PAM: variants seen among roughly 807,000 people sequenced by gnomAD.
PAM encodes the protein peptidyl-glycine alpha-amidating monooxygenase.
A neutral mutation model predicts 122.1 loss-of-function variants in PAM; 72 were observed. That is an observed-to-expected ratio of 0.59 (90% CI 0.49 to 0.72). PAM has a LOEUF of 0.72. Ranked by LOEUF, PAM falls within the 30% of genes least tolerant of loss-of-function variation. The pLI, the probability that PAM is intolerant of heterozygous loss-of-function variation, is 0.00. For synonymous variants in PAM, 389 were observed against 404.4 expected, an observed-to-expected ratio of 0.96 and a Z score of 0.46; for missense variants, 1,106 against 1,183.7, an observed-to-expected ratio of 0.93 and a Z score of 0.96.
intron 14 of PAM, among the ~76,000 whole-genome samples, chr5:102,967,320 T>C (rs1764394617): frequency 6.6e-6 from 1 of 152,172 alleles, no homozygotes; most frequent in Non-Finnish European, 1.5e-5. Context: ...ACTCACACAA[T>C]TGAATTCCTT....
chr5:102,973,487 A>G (rs1031903173), intron 14 of PAM, among the ~76,000 whole-genome samples: 32 of 152,174 alleles, frequency 2.1e-4, no homozygotes, highest in Non-Finnish European at 7.4e-5. Flanking sequence ...CTTTGTTTGA[A>G]GCTGATTTAA....
In PAM at chr5:103,029,652, A is replaced by C. The variant is rs1364016792; in HGVS notation, c.*587A>C. The C allele has an allele frequency of 6.6e-6, 1 of 152,578 alleles. No individual in the cohort carries two copies. Among genetic ancestry groups the C allele is most frequent in the Non-Finnish European group, 1.5e-5 (1 of 68,026 alleles). 9.5% of individuals were successfully genotyped at this position (152,578 alleles called of 1,614,324 possible). ...GGATGTCTTATTTTTAGATGGTTAC[A>C]CTGTTAGAACACTATTTTCAGAATC... On this transcript the variant is annotated 3_prime_UTR_variant, in exon 26 of 26. Transcript: ENST00000438793.
chr5:102,904,330 G>C (rs551394942), intron 4 of PAM, among the ~76,000 whole-genome samples: 123 of 151,570 alleles, frequency 8.1e-4, no homozygotes, highest in African/African-American at 2.8e-3. Context: ...GACACTTAAT[G>C]ATTTTATACC....
At chr5:102,934,494 TCA>T (rs1581867485) in intron 7 of PAM, among the ~76,000 whole-genome samples, 1 of 152,156 alleles carries the variant, frequency 6.6e-6, no homozygotes, top group Admixed American at 6.6e-5. Context: ...CACTTTTACC[TCA>T]GTTTTCCTTC....
intron 7 of PAM, among the ~76,000 whole-genome samples, chr5:102,946,625 T>G (rs1348780248): frequency 6.7e-6 from 1 of 150,238 alleles, no homozygotes; most frequent in Non-Finnish European, 1.5e-5. Context: ...ATAGACTGCA[T>G]GAAATGATAG....
intron 23 of PAM, among the ~76,000 whole-genome samples, chr5:103,020,088 C>T (rs11951373): frequency 0.039 from 5,895 of 151,736 alleles, 384 homozygotes; most frequent in African/African-American, 0.14. Flanking sequence ...ATTGAGGATA[C>T]AAAAACTTTG....
At chr5:102,905,714 G>T (rs1490184444) in intron 4 of PAM, among the ~76,000 whole-genome samples, 1 of 151,568 alleles carries the variant, frequency 6.6e-6, no homozygotes, top group Non-Finnish European at 1.5e-5. Flanking sequence ...ATATGTGTGT[G>T]TACATGTGTG....
chr5:102,886,256 T>C (rs1793050242), intron 3 of PAM, among the ~76,000 whole-genome samples: 1 of 152,012 alleles, frequency 6.6e-6, no homozygotes, highest in African/African-American at 2.4e-5. Context: ...ATTGTGGAAG[T>C]CAGTTCCAGA....
chr5:102,799,169 A>C (rs1383046229), intron 1 of PAM, among the ~76,000 whole-genome samples: 1 of 152,226 alleles, frequency 6.6e-6, no homozygotes, highest in Non-Finnish European at 1.5e-5. Flanking sequence ...TGCTTACAAG[A>C]TTACTTAATC....
chr5:102,978,205 A>G lies in PAM; in HGVS notation c.1483+3769A>G, dbSNP rs183822972. On this transcript the variant is annotated intron_variant, in intron 15 of 25. Transcript: ENST00000438793. The stretch of plus-strand genomic sequence containing the variant: ...TGGCACTCTAAGTTGATAAGTTAAG[A>G]AAAAAGTGACTTGGCAGTGTTTTAT... 1.6e-3 allele frequency among the ~76,000 whole-genome samples: 251 copies of G among 152,334 alleles called. 1 individual carries two copies. The highest frequency in any genetic ancestry group is 6.3e-4 in the Non-Finnish European group (43 of 68,018).
chr5:102,941,238 AC>A (rs1333044272), intron 7 of PAM, among the ~76,000 whole-genome samples: 1 of 152,228 alleles, frequency 6.6e-6, no homozygotes, highest in Non-Finnish European at 1.5e-5. Context: ...TGCGAACAGC[AC>A]AGGCCATCAT....
At chr5:102,993,782 A>C (rs1774872324) in intron 16 of PAM, among the ~76,000 whole-genome samples, 4 of 152,076 alleles carry the variant, frequency 2.6e-5, no homozygotes, top group Non-Finnish European at 5.9e-5. Context: ...TTCAATTCAC[A>C]TTGTCATCCT....
intron 8 of PAM, among the ~76,000 whole-genome samples, chr5:102,947,271 G>A (rs1757359907): frequency 6.6e-6 from 1 of 152,084 alleles, no homozygotes; most frequent in African/African-American, 2.4e-5. Flanking sequence ...TATGGCACCT[G>A]GCCTCCATCA....
intron 1 of PAM, among the ~76,000 whole-genome samples, chr5:102,776,279 G>T (rs116378407): frequency 0.028 from 4,216 of 152,072 alleles, 104 homozygotes; most frequent in East Asian, 0.13. Context: ...CTCTCATTCC[G>T]TAGGTTATCT....
At chr5:102,917,934 C>T (rs968750199) in intron 5 of PAM, among the ~76,000 whole-genome samples, 9 of 152,170 alleles carry the variant, frequency 5.9e-5, no homozygotes, top group African/African-American at 1.9e-4. Context: ...CCTCTGCACA[C>T]ATTCTAGCCT....
chr5:102,858,887 T>C (rs957212170), intron 1 of PAM, among the ~76,000 whole-genome samples: 1 of 152,194 alleles, frequency 6.6e-6, no homozygotes, highest in Non-Finnish European at 1.5e-5. Context: ...GACACATATG[T>C]GATGGTGGTC....
intron 4 of PAM, among the ~76,000 whole-genome samples, chr5:102,904,762 T>C (rs535192680): frequency 1.3e-5 from 2 of 151,600 alleles, no homozygotes; most frequent in Non-Finnish European, 3.0e-5. Context: ...ATTTACATTA[T>C]TAATACTAGG....
At chr5:102,933,702 C>T (rs1752334217) in intron 7 of PAM, among the ~76,000 whole-genome samples, 1 of 152,230 alleles carries the variant, frequency 6.6e-6, no homozygotes, top group Non-Finnish European at 1.5e-5. Flanking sequence ...CCAGCTGTAT[C>T]TCTGCCTCTT....
chr5:102,827,628 A>G (rs1774053717), intron 1 of PAM, among the ~76,000 whole-genome samples: 1 of 152,044 alleles, frequency 6.6e-6, no homozygotes. Context: ...AGTGGAATGT[A>G]AAATAAAAAT....
Sources: gnomAD v4.1 joint callset for allele counts (sites outside exome capture counted in the v4.1 genomes callset) on GRCh38, gnomAD v4.1.1 for gene constraint, MANE v1.5 for transcripts, NCBI Gene and HGNC (gene_info 2026-07-23, HGNC 2026-07-21) for gene names.